Variants in AGAP1 observed in about 807,000 individuals in gnomAD.
AGAP1 encodes ArfGAP with GTPase domain, ankyrin repeat and PH domain 1.
AGAP1 carries 29 observed loss-of-function variants against 105.3 expected under a neutral mutation model. The observed-to-expected ratio is 0.28, with a 90% CI of 0.21 to 0.38. AGAP1 has a LOEUF of 0.38. Ranked by LOEUF, AGAP1 falls within the 10% of genes least tolerant of loss-of-function variation. The pLI, the probability that AGAP1 is intolerant of heterozygous loss-of-function variation, is 1.00. For synonymous variants in AGAP1, 509 were observed against 485.9 expected (o/e 1.05, Z -0.63); for missense variants, 998 against 1,165.1 (o/e 0.86, Z 2.09).
intron 6 of AGAP1, among the ~76,000 whole-genome samples, chr2:235,758,024 C>G (rs1393116685): frequency 6.6e-6 from 1 of 152,152 alleles, no homozygotes; most frequent in Admixed American, 6.5e-5. Context: ...CTATTCCATT[C>G]TTTCCTGAAA....
rs2052914335 is a variant in AGAP1, at chr2:235,934,909, A to G, written c.1483+3986A>G. Among the ~76,000 whole-genome samples the G allele has an allele frequency of 6.6e-6, 1 of 152,034 alleles. No homozygotes were observed. Among genetic ancestry groups the G allele is most frequent in the Non-Finnish European group, 1.5e-5 (1 of 68,018 alleles). ...GTTTCTCCGCCCCCCGTCCACCCTA[A>G]ATTAAGACTTTGGCTCTGGAGAACT... On this transcript the variant is annotated intron_variant, in intron 12 of 17. Coordinates refer to ENST00000304032, the MANE Select transcript of AGAP1 (RefSeq NM_001037131.3). This position sits in a 1 kb window ranked among gnomAD's most constrained non-coding sequence, Gnocchi z 4.9.
rs570396114 is a variant in AGAP1, at chr2:236,119,510, T to G, written c.2115-682T>G. 4.6e-5 allele frequency among the ~76,000 whole-genome samples: 7 copies of G among 151,998 alleles called. No individual in the cohort carries two copies. Among genetic ancestry groups the G allele is most frequent in the Middle Eastern group, 6.8e-3 (2 of 294 alleles). On this transcript the variant is annotated intron_variant, in intron 16 of 17. Coordinates refer to ENST00000304032, the MANE Select transcript of AGAP1 (RefSeq NM_001037131.3). This position sits in a 1 kb window ranked among gnomAD's most constrained non-coding sequence, Gnocchi z 6.6. ...TGGGGAGTCCACACACACCCCCTAT[T>G]TCGGAGTTTGAAGCTAAAAGCACAT...
chr2:235,878,223 G>A (rs1418798457), intron 9 of AGAP1, among the ~76,000 whole-genome samples: 2 of 152,216 alleles, frequency 1.3e-5, no homozygotes, highest in Non-Finnish European at 2.9e-5. Flanking sequence ...CAAACACCGC[G>A]TGCACGTGCA....
At position 236,014,342 on chromosome 2, in the gene AGAP1, C is replaced by T. The variant is rs1244282415; in HGVS notation, c.1646-22219C>T. On this transcript the variant is annotated intron_variant, in intron 13 of 17. Transcript: ENST00000304032. The surrounding 1 kb of genome is among the most constrained non-coding windows in gnomAD (Gnocchi z 6.3). ...AGCTCTTGGTTTTAAAACCTACCTT[C>T]TCCAACACATAGGCATGAACTGCTC... Among the ~76,000 whole-genome samples, 1 of 152,210 alleles carries T rather than the reference C, an allele frequency of 6.6e-6. No homozygotes were observed. The highest frequency in any genetic ancestry group is 2.4e-5 in the African/African-American group (1 of 41,446).
intron 1 of AGAP1, among the ~76,000 whole-genome samples, chr2:235,591,271 C>T (rs576653621): frequency 9.8e-5 from 15 of 152,360 alleles, no homozygotes; most frequent in African/African-American, 2.9e-4. Context: ...CCGCCTCAGC[C>T]TCCCAAACTG....
In AGAP1 at chr2:235,655,286, G is replaced by A. The variant is rs1029780270; in HGVS notation, c.164-53893G>A. On this transcript the variant is annotated intron_variant, in intron 1 of 17. Coordinates refer to ENST00000304032, the MANE Select transcript of AGAP1 (RefSeq NM_001037131.3). The surrounding 1 kb of genome is among the most constrained non-coding windows in gnomAD (Gnocchi z 4.3). ...TATTCCATTGGGATATCACAATTTC[G>A]TAGCCTGGTATATGCATTCCTTGTG... 1.3e-5 allele frequency among the ~76,000 whole-genome samples: 2 copies of A among 152,106 alleles called. No individual in the cohort carries two copies. Among genetic ancestry groups the A allele is most frequent in the Non-Finnish European group, 2.9e-5 (2 of 68,036 alleles).
rs184273490 is a variant in AGAP1 at position 235,797,823 on chromosome 2, A to C, written c.738A>C (p.Leu246=). ...QQLSIGPCKS[L]PNSPSHSSVC... ...TGTCCATAGGACCCTGCAAGTCGCTACCTAATTCTCCCAGCCATTCCTCCG... is the reference window on the plus strand; with the variant it reads ...TGTCCATAGGACCCTGCAAGTCGCTCCCTAATTCTCCCAGCCATTCCTCCG... Residue 246 remains leucine (L), a synonymous_variant, in exon 7 of 18, where the codon CTA becomes CTC. Coordinates refer to ENST00000304032, the MANE Select transcript of AGAP1 (RefSeq NM_001037131.3). 3.1e-6 allele frequency: 5 copies of C among 1,614,184 alleles called. No homozygotes were observed. The South Asian group carries it at 4.4e-5, about 14-fold the overall frequency.
At chr2:235,521,738 A>ATGTG (rs57501632) in intron 1 of AGAP1, among the ~76,000 whole-genome samples, 160 of 116,738 alleles carry the variant, frequency 1.4e-3, no homozygotes, top group African/African-American at 7.2e-3. Flanking sequence ...TGTTTGTTAT[A>ATGTG]TATATGTGTG....
intron 16 of AGAP1, among the ~76,000 whole-genome samples, chr2:236,086,493 AAAAG>A (rs1312103873): frequency 2.6e-5 from 4 of 152,254 alleles, no homozygotes; most frequent in Admixed American, 2.0e-4. Context: ...TTCAGAAACT[AAAAG>A]AAATACTGCC....
Position 235,689,897 on chromosome 2 carries a change from G to T in AGAP1, c.164-19282G>T, listed in dbSNP as rs2149437015. 6.6e-6 allele frequency among the ~76,000 whole-genome samples: 1 copy of T among 152,348 alleles called. No individual in the cohort carries two copies. Among genetic ancestry groups the T allele is most frequent in the East Asian group, 1.9e-4 (1 of 5,186 alleles). On this transcript the variant is annotated intron_variant, in intron 1 of 17. Transcript: ENST00000304032. This position sits in a 1 kb window ranked among gnomAD's most constrained non-coding sequence, Gnocchi z 4.2. The stretch of plus-strand genomic sequence containing the variant: ...GTTTCTGTGTGCATGATGCACTTCA[G>T]AACCTATAGTGTCATTTGTGGTATT...
At position 235,663,608 on chromosome 2, in the gene AGAP1, T is replaced by G. The variant is rs1241308499; in HGVS notation, c.164-45571T>G. Among the ~76,000 whole-genome samples, 1 of 152,192 alleles carries G rather than the reference T, an allele frequency of 6.6e-6. No individual in the cohort carries two copies. The highest frequency in any genetic ancestry group is 2.4e-5 in the African/African-American group (1 of 41,462). On this transcript the variant is annotated intron_variant, in intron 1 of 17. Coordinates refer to ENST00000304032, the MANE Select transcript of AGAP1 (RefSeq NM_001037131.3). The surrounding 1 kb of genome is among the most constrained non-coding windows in gnomAD (Gnocchi z 5.4). ...CATCGTTTGTGGCCTCAATGTGATT[T>G]TCATGTAAGTCATGGATTTTCTAAA...
chr2:236,069,087 A>C (rs775285558), intron 16 of AGAP1, among the ~76,000 whole-genome samples: 3 of 151,948 alleles, frequency 2.0e-5, no homozygotes, highest in Non-Finnish European at 2.9e-5. Context: ...AGATCACGCT[A>C]GTGCGCTCCA....
chr2:236,008,686 G>A (rs140074004), intron 13 of AGAP1, among the ~76,000 whole-genome samples: 1,686 of 152,168 alleles, frequency 0.011, 17 homozygotes, highest in Middle Eastern at 0.041. Context: ...TTATTTTCCC[G>A]GGTTGATGGT....
rs1045396703 is a variant in AGAP1 at position 235,879,805 on chromosome 2, G to T, written c.1051-3540G>T. Among the ~76,000 whole-genome samples, 1 of 152,174 alleles carries T rather than the reference G, an allele frequency of 6.6e-6. No homozygotes were observed. Among genetic ancestry groups the T allele is most frequent in the Non-Finnish European group, 1.5e-5 (1 of 68,034 alleles). ...AAATTAGACAGACATGGTGGCATGTGTGTGTAGTCCTAGCTACTCGGAGGA... is the reference window on the plus strand; with the variant it reads ...AAATTAGACAGACATGGTGGCATGTTTGTGTAGTCCTAGCTACTCGGAGGA... On this transcript the variant is annotated intron_variant, in intron 9 of 17. Coordinates refer to ENST00000304032, the MANE Select transcript of AGAP1 (RefSeq NM_001037131.3). The surrounding 1 kb of genome is among the most constrained non-coding windows in gnomAD (Gnocchi z 5.0).
At position 235,865,733 on chromosome 2, in the gene AGAP1, G is replaced by A. The variant is rs187694252; in HGVS notation, c.1051-17612G>A. Among the ~76,000 whole-genome samples, 1 of 152,250 alleles carries A rather than the reference G, an allele frequency of 6.6e-6. No individual in the cohort carries two copies. On this transcript the variant is annotated intron_variant, in intron 9 of 17. Transcript: ENST00000304032. This position sits in a 1 kb window ranked among gnomAD's most constrained non-coding sequence, Gnocchi z 6.2. ...AAGGGGGGATTCCTGCTGTTCCTAT[G>A]GAAACACTTTAAACTAGAGAGAAAG...
At chr2:235,658,194 T>C (rs1947835826) in intron 1 of AGAP1, among the ~76,000 whole-genome samples, 1 of 152,226 alleles carries the variant, frequency 6.6e-6, no homozygotes, top group Admixed American at 6.5e-5. Flanking sequence ...ATGGATTTTT[T>C]TTCCTTTACA....
chr2:235,841,663 C>G (rs567250746), intron 9 of AGAP1, among the ~76,000 whole-genome samples: 105 of 152,288 alleles, frequency 6.9e-4, no homozygotes, highest in South Asian at 3.1e-3. Flanking sequence ...TATCATTTAG[C>G]AATTCATAAA....
chr2:236,125,842 CG>C lies in AGAP1; in HGVS notation c.*1724del. ...CAGCATCCCTTAGGTTAAAAGCAAA[CG>C]GGGCAGCTTTGCCTAGAGCTCATTG... On this transcript the variant is annotated 3_prime_UTR_variant, in exon 18 of 18. Transcript: ENST00000304032. The surrounding 1 kb of genome is among the most constrained non-coding windows in gnomAD (Gnocchi z 5.2). The C allele has an allele frequency of 6.6e-6, 1 of 152,214 alleles. No homozygotes were observed. Among genetic ancestry groups the C allele is most frequent in the Non-Finnish European group, 1.5e-5 (1 of 68,030 alleles). 9.4% of individuals were successfully genotyped at this position (152,214 alleles called of 1,614,324 possible). A position where few individuals can be genotyped will look rare whatever the true frequency, so the allele number is the denominator to read the frequency against.
chr2:235,674,382 G>T (rs12466302), intron 1 of AGAP1, among the ~76,000 whole-genome samples: 45,078 of 152,062 alleles, frequency 0.3, 7,893 homozygotes, highest in African/African-American at 0.48. Context: ...CATTGTAGGG[G>T]GTCCCCTTGC....
Sources: allele counts gnomAD v4.1 joint callset (sites outside exome capture counted in the v4.1 genomes callset), GRCh38; gene constraint gnomAD v4.1.1; non-coding constraint Gnocchi (gnomAD v3.1); transcripts MANE v1.5; gene names NCBI Gene and HGNC (gene_info 2026-07-23, HGNC 2026-07-21).